The following DST variants were observed in gnomAD, a reference collection of about 807,000 sequenced individuals.
DST encodes dystonin, also known as bullous pemphigoid antigen.
DST carries 253 observed loss-of-function variants against 875.2 expected under a neutral mutation model. The observed-to-expected ratio is 0.29, with a 90% CI of 0.26 to 0.32. The LOEUF (loss-of-function observed/expected upper bound fraction) is 0.32, where lower values mean the gene tolerates loss of function less well. Among genes scored for constraint, DST ranks in the 10% least tolerant of loss-of-function variants. The pLI, the probability that DST is intolerant of heterozygous loss-of-function variation, is 1.00. For missense variants in DST, 8,287 were observed against 9,111.6 expected (o/e 0.91, Z 3.68); for synonymous variants, 3,124 against 3,197.1 (o/e 0.98, Z 0.77).
chr6:56,511,167 C>T, intron 73 of DST, 30 bp downstream of exon 73: 2 of 1,539,654 alleles, frequency 1.3e-6, no homozygotes, highest in South Asian at 2.4e-5. Context: ...TCTGCAAGAA[C>T]CCAATTCTAT....
intron 59 of DST, 129 bp downstream of exon 59, chr6:56,557,189 AT>A: frequency 1.2e-6 from 1 of 803,064 alleles, no homozygotes; most frequent in South Asian, 1.8e-5. Context: ...CATCTGAAAC[AT>A]TACATATATA....
chr6:56,753,509 C>T (rs138831856), intron 4 of DST, among the ~76,000 whole-genome samples: 33 of 152,312 alleles, frequency 2.2e-4, no homozygotes, highest in African/African-American at 7.7e-4. Context: ...CCATTTCAAA[C>T]ACTTGCATAG....
At chr6:56,851,716 C>G in intron 3 of DST, 112 bp from the exon 4 acceptor site, 1 of 1,552,228 alleles carries the variant, frequency 6.4e-7, no homozygotes, top group Admixed American at 2.0e-5. Context: ...CAAACTGGGT[C>G]TGGCATATCC....
intron 65 of DST, 21 bp from the exon 66 acceptor site, chr6:56,529,795 TAAA>T (rs1252824498): frequency 6.7e-7 from 1 of 1,489,954 alleles, no homozygotes; most frequent in Non-Finnish European, 8.9e-7. Context: ...TTTAAAAAAA[TAAA>T]GAAGAAAAAC....
chr6:56,511,109 T>C, intron 73 of DST, 88 bp downstream of exon 73: 1 of 1,187,740 alleles, frequency 8.4e-7, no homozygotes, highest in Non-Finnish European at 1.2e-6. Context: ...TAATTTTAGT[T>C]AAAATTTAAT....
At chr6:56,937,944 G>A (rs1813880767) in intron 2 of DST, among the ~76,000 whole-genome samples, 1 of 152,080 alleles carries the variant, frequency 6.6e-6, no homozygotes, top group African/African-American at 2.4e-5. Flanking sequence ...GCAATGTCCA[G>A]GAGAGGCACT....
chr6:56,862,898 A>G (rs150850929), intron 3 of DST, among the ~76,000 whole-genome samples: 179 of 152,334 alleles, frequency 1.2e-3, no homozygotes, highest in African/African-American at 4.1e-3. Context: ...GTGGGGAGAC[A>G]GAGAATAGCA....
intron 101 of DST, 35 bp from the exon 102 acceptor site, chr6:56,463,191 T>C (rs752878659): frequency 3.8e-6 from 5 of 1,304,458 alleles, no homozygotes; most frequent in South Asian, 3.7e-5. Flanking sequence ...ATGAAAAGGA[T>C]AGCAGATAAA....
chr6:56,474,960 C>CCAA (rs2095100816), intron 92 of DST, among the ~76,000 whole-genome samples: 1 of 31,318 alleles, frequency 3.2e-5, no homozygotes, highest in Non-Finnish European at 6.5e-5. Context: ...CCCTGCCTCT[C>CCAA]AAAAAAAAAA....
At chr6:56,936,991 A>T (rs1028270594) in intron 2 of DST, among the ~76,000 whole-genome samples, 1 of 152,140 alleles carries the variant, frequency 6.6e-6, no homozygotes, top group Non-Finnish European at 1.5e-5. Flanking sequence ...AAATATTTTT[A>T]AAAAACTAAT....
rs770631196 is a variant in DST, at chr6:56,619,713, G to A, written c.4929+4817C>T. The A allele has an allele frequency of 7.4e-6, 12 of 1,613,878 alleles. No individual in the cohort carries two copies. In the Admixed American group the frequency reaches 8.3e-5, roughly 11 times the overall value. On this transcript the variant is annotated intron_variant, in intron 36 of 103. Coordinates refer to ENST00000680361, the MANE Select transcript of DST (RefSeq NM_001374736.1). ...GTGGTTTGATTCAATTGCCTACCAA[G>A]CTCTCTGAGTTGTTGAGAATACCCT...
rs771547160 is a variant in DST, at chr6:56,553,441, G to C, written c.15351C>G (p.Thr5117=). The change falls in exon 61 of 104, where the codon ACC becomes ACG. Residue 5117 remains threonine (T), a synonymous_variant. Transcript: ENST00000680361. ...ATAACAGATTTTCACCTTCTGCAAT[G>C]GTTTTTTCATACATATGAGACTGAG... ...LTAQSHMYEK[T]IAEGENLLLK... The C allele has an allele frequency of 6.2e-7, 1 of 1,605,182 alleles. No individual in the cohort carries two copies. The highest frequency in any genetic ancestry group is 1.7e-5 in the Admixed American group (1 of 58,280).
At chr6:56,835,112 T>C (rs960630058) in intron 4 of DST, among the ~76,000 whole-genome samples, 1 of 152,214 alleles carries the variant, frequency 6.6e-6, no homozygotes, top group Admixed American at 6.5e-5. Flanking sequence ...ACTGCAGGAT[T>C]CCAACTATAT....
In DST at chr6:56,608,821, T is replaced by G; in HGVS notation, c.5807A>C (p.Gln1936Pro). 5 of 1,611,824 alleles carry G rather than the reference T, an allele frequency of 3.1e-6. No individual in the cohort carries two copies. Among genetic ancestry groups the G allele is most frequent in the Non-Finnish European group, 4.2e-6 (5 of 1,178,724 alleles). Residue 1936 changes from glutamine (Q) to proline (P), a missense_variant, in exon 40 of 104, where the codon CAA becomes CCA. This residue lies in a region of DST where 3,138 missense variants were observed against 3,116.6 expected (regional missense o/e 1.01). Coordinates refer to ENST00000680361, the MANE Select transcript of DST (RefSeq NM_001374736.1). Reference sequence around the variant, plus strand: ...TGTGTTTTCCTGTAAAGTACTTCTTTGTACCATATCTATTAAAGAAACCTT... The same window carrying G: ...TGTGTTTTCCTGTAAAGTACTTCTTGGTACCATATCTATTAAAGAAACCTT... The part of the protein sequence containing the change: ...SEKVSLIDMV[Q>P]RSTLQENTGM...
chr6:56,763,216 T>C (rs942260962), intron 4 of DST, among the ~76,000 whole-genome samples: 2 of 152,152 alleles, frequency 1.3e-5, no homozygotes, highest in Non-Finnish European at 2.9e-5. Flanking sequence ...TACATGACCA[T>C]GTGTTCTAGT....
chr6:56,620,789 A>G, intron 36 of DST: 1 of 1,397,926 alleles, frequency 7.2e-7, no homozygotes, highest in African/African-American at 1.4e-5. Context: ...CAATGTTCAT[A>G]AAAGTACTTA....
In DST at chr6:56,509,670, C is replaced by A. The variant is rs1301168720; in HGVS notation, c.18984G>T (p.Gly6328=). The A allele has an allele frequency of 6.2e-7, 1 of 1,613,390 alleles. No homozygotes were observed. Among genetic ancestry groups the A allele is most frequent in the Admixed American group, 1.7e-5 (1 of 59,976 alleles). The change falls in exon 74 of 104, where the codon GGG becomes GGT. Residue 6328 remains glycine (G), a synonymous_variant. Transcript: ENST00000680361. ...TGGCAGATATGTCTTTATCAGTCCC[C>A]CCAGATCTAGCAATCATTTCCTCTC... is the stretch of plus-strand genomic sequence containing the variant. ...QRGEEMIARS[G]GTDKDISAKA... is the part of the protein sequence containing the mutation.
At chr6:56,818,120 C>T (rs2099768794) in intron 4 of DST, among the ~76,000 whole-genome samples, 1 of 152,122 alleles carries the variant, frequency 6.6e-6, no homozygotes. Flanking sequence ...TTTGCTGATA[C>T]CTGTAAGGTC....
chr6:56,666,944 A>C lies in DST; in HGVS notation c.1214+3697T>G, dbSNP rs538552914. On this transcript the variant is annotated intron_variant, in intron 10 of 103. Coordinates refer to ENST00000680361, the MANE Select transcript of DST (RefSeq NM_001374736.1). ...AGCTGTACTAACAGACTACAAATAC[A>C]ACACAGAAGTCAGAGGTCACAATAG... Among the ~76,000 whole-genome samples the C allele has an allele frequency of 3.9e-5, 6 of 152,206 alleles. No individual in the cohort carries two copies. The South Asian group carries it at 1.2e-3, about 32-fold the overall frequency.
Sources: gnomAD v4.1 joint callset for allele counts (sites outside exome capture counted in the v4.1 genomes callset) on GRCh38, gnomAD v4.1.1 for gene constraint, gnomAD v4.1.1 regional missense constraint, MANE v1.5 for transcripts, NCBI Gene and HGNC (gene_info 2026-07-23, HGNC 2026-07-21) for gene names.